The following DIPK2B variants were observed in gnomAD, a reference collection of about 807,000 sequenced individuals.
The protein encoded by DIPK2B is divergent protein kinase domain 2B.
Under a neutral mutation model 22.2 loss-of-function variants are expected in DIPK2B, and 15 were observed. The ratio of observed to expected loss-of-function variants is 0.68; its 90% CI spans 0.45 to 1.04. DIPK2B has a LOEUF of 1.04. Ranked by LOEUF, DIPK2B falls within the 50% of genes least tolerant of loss-of-function variation. The pLI, the probability that DIPK2B is intolerant of heterozygous loss-of-function variation, is 0.00. For missense variants in DIPK2B, 345 were observed against 348.3 expected, an observed-to-expected ratio of 0.99 and a Z score of 0.08; for synonymous variants, 163 against 153.2, an observed-to-expected ratio of 1.06 and a Z score of -0.47.
chrX:45,178,131 T>C lies in DIPK2B; in HGVS notation c.498+13620A>G, dbSNP rs1330110672. Among the ~76,000 whole-genome samples the C allele has an allele frequency of 4.5e-5, 5 of 111,936 alleles. No individual in the cohort carries two copies. The Admixed American group carries it at 4.7e-4, about 11-fold the overall frequency. On this transcript the variant is annotated intron_variant, in intron 2 of 4. Transcript: ENST00000398000. The stretch of plus-strand genomic sequence containing the variant: ...AAGTCAGACTCTCCTCTGGATCCCA[T>C]GCCCAGCTGGGTCCTGGCCAAAGCA...
At chrX:45,198,729 A>C (rs2047252922) in intron 1 of DIPK2B, among the ~76,000 whole-genome samples, 1 of 111,104 alleles carries the variant, frequency 9.0e-6, no homozygotes, top group Admixed American at 9.6e-5. Flanking sequence ...CTGCCTTCTT[A>C]TTGCCTCTCT....
At chrX:45,163,696 T>G (rs1217585689) in intron 2 of DIPK2B, 1 of 753,800 alleles carries the variant, frequency 1.3e-6, no homozygotes, top group Non-Finnish European at 1.6e-6. Context: ...GTATGCTTTT[T>G]TTTCCCTCTA....
chrX:45,164,718 C>T (rs1206910648), intron 2 of DIPK2B, among the ~76,000 whole-genome samples: 1 of 111,175 alleles, frequency 9.0e-6, no homozygotes, highest in Non-Finnish European at 1.9e-5. Flanking sequence ...ACCTATGTAA[C>T]AAAACTGCAC....
intron 2 of DIPK2B, among the ~76,000 whole-genome samples, chrX:45,166,469 G>A (rs1017616471): frequency 7.2e-5 from 8 of 110,994 alleles, no homozygotes; most frequent in African/African-American, 2.3e-4. Context: ...CTCAATTTCC[G>A]CCTCTGTAAG....
intron 3 of DIPK2B, 49 bp from the exon 4 acceptor site, chrX:45,154,247 T>A: frequency 9.7e-7 from 1 of 1,030,837 alleles, no homozygotes; most frequent in East Asian, 3.3e-5. Flanking sequence ...TGGTGACAGC[T>A]CTCTATCTGT....
chrX:45,154,210 G>A lies in DIPK2B; in HGVS notation c.673-12C>T, dbSNP rs1414744331. On this transcript the variant is annotated splice_polypyrimidine_tract_variant and intron_variant, in intron 3 of 4. Transcript: ENST00000398000. ...GCCCCAGGGAAGATCTGCCAAGCCAGAAGGAGGAGGATTAGAGAGAAAAAT... is the reference window on the plus strand; with the variant it reads ...GCCCCAGGGAAGATCTGCCAAGCCAAAAGGAGGAGGATTAGAGAGAAAAAT... 1.5e-5 allele frequency: 18 copies of A among 1,177,333 alleles called. No individual in the cohort carries two copies. Among genetic ancestry groups the A allele is most frequent in the Non-Finnish European group, 1.9e-5 (17 of 880,066 alleles).
At chrX:45,168,914 A>C (rs1252543735) in intron 2 of DIPK2B, among the ~76,000 whole-genome samples, 3 of 111,947 alleles carry the variant, frequency 2.7e-5, no homozygotes, top group African/African-American at 6.5e-5. Flanking sequence ...ATGTCACTGA[A>C]AGTCAAGCTG....
intron 2 of DIPK2B, among the ~76,000 whole-genome samples, chrX:45,169,667 G>A (rs1231781794): frequency 8.9e-6 from 1 of 112,030 alleles, no homozygotes; most frequent in East Asian, 2.8e-4. Context: ...CTTTCTGAAT[G>A]CATGATAAAC....
chrX:45,167,334 A>T (rs2047054062), intron 2 of DIPK2B, among the ~76,000 whole-genome samples: 1 of 109,483 alleles, frequency 9.1e-6, no homozygotes, highest in African/African-American at 3.3e-5. Flanking sequence ...CTACAAAAAA[A>T]TGAAAAATTA....
intron 2 of DIPK2B, among the ~76,000 whole-genome samples, chrX:45,188,593 T>C (rs187604203): frequency 1.8e-5 from 2 of 112,561 alleles, no homozygotes; most frequent in Admixed American, 1.9e-4. Flanking sequence ...TCATATAACA[T>C]AAAATTAACC....
At chrX:45,160,254 C>T (rs777903319) in intron 2 of DIPK2B, among the ~76,000 whole-genome samples, 1 of 109,300 alleles carries the variant, frequency 9.1e-6, no homozygotes, top group East Asian at 2.9e-4. Context: ...GTCCCCCAGG[C>T]TGGAATGTAA....
At chrX:45,171,044 T>C (rs1466872894) in intron 2 of DIPK2B, among the ~76,000 whole-genome samples, 1 of 111,678 alleles carries the variant, frequency 9.0e-6, no homozygotes, top group Admixed American at 9.5e-5. Context: ...CAGGCCATAC[T>C]GTCTTCTGGG....
At position 45,162,486 on chromosome X, in the gene DIPK2B, G is replaced by A. The variant is rs1450466320; in HGVS notation, c.499-4598C>T. ...TCCTCCCCAAGGTCCCACTTACAGA[G>A]TGAGACCTTTGTCTACTTCTGTTTG... On this transcript the variant is annotated intron_variant, in intron 2 of 4. Coordinates refer to ENST00000398000, the MANE Select transcript of DIPK2B (RefSeq NM_176819.4). The A allele has an allele frequency of 1.2e-5, 9 of 752,614 alleles. No homozygotes were observed. In the East Asian group the frequency reaches 1.4e-3, roughly 115 times the overall value. 62.0% of individuals were successfully genotyped at this position (752,614 alleles called of 1,213,427 possible). A position where few individuals can be genotyped will look rare whatever the true frequency, so the allele number is the denominator to read the frequency against.
chrX:45,162,640 T>G (rs939902293), intron 2 of DIPK2B: 23 of 753,029 alleles, frequency 3.1e-5, no homozygotes, highest in Non-Finnish European at 3.4e-5. Flanking sequence ...GATTACCAAT[T>G]GCTTTGGAGT....
At chrX:45,173,902 C>T (rs1474933192) in intron 2 of DIPK2B, among the ~76,000 whole-genome samples, 2 of 111,393 alleles carry the variant, frequency 1.8e-5, no homozygotes, top group Non-Finnish European at 3.8e-5. Context: ...ATCCCAACCC[C>T]TATTTCCCCC....
intron 4 of DIPK2B, 113 bp from the exon 5 acceptor site, chrX:45,152,105 C>A: frequency 1.4e-6 from 1 of 697,496 alleles, no homozygotes; most frequent in Non-Finnish European, 2.1e-6. Flanking sequence ...TGCCTGTAAT[C>A]CCAGCACTTT....
At chrX:45,192,935 C>T (rs898500240) in intron 1 of DIPK2B, among the ~76,000 whole-genome samples, 8 of 112,175 alleles carry the variant, frequency 7.1e-5, no homozygotes, top group African/African-American at 1.3e-4. Context: ...TGCGCCACCA[C>T]GCCCAGCTAA....
chrX:45,152,001 G>T lies in DIPK2B; in HGVS notation c.962-9C>A. Reference sequence around the variant, plus strand: ...GTTGGCTTCTTGGCTGCCTAGAAAAGAAATGGGAAGTATTACACACCCTGC... The same window carrying T: ...GTTGGCTTCTTGGCTGCCTAGAAAATAAATGGGAAGTATTACACACCCTGC... On this transcript the variant is annotated splice_polypyrimidine_tract_variant and intron_variant, in intron 4 of 4. Coordinates refer to ENST00000398000, the MANE Select transcript of DIPK2B (RefSeq NM_176819.4). 8.7e-7 allele frequency: 1 copy of T among 1,152,895 alleles called. No homozygotes were observed. The highest frequency in any genetic ancestry group is 1.2e-6 in the Non-Finnish European group (1 of 862,633).
At chrX:45,192,787 A>T (rs1255635723) in intron 1 of DIPK2B, among the ~76,000 whole-genome samples, 1 of 110,855 alleles carries the variant, frequency 9.0e-6, no homozygotes, top group African/African-American at 3.3e-5. Context: ...TTATTTATTT[A>T]TTTATTTTTG....
Sources: gnomAD v4.1 joint callset for allele counts (sites outside exome capture counted in the v4.1 genomes callset) on GRCh38, gnomAD v4.1.1 for gene constraint, MANE v1.5 for transcripts, NCBI Gene and HGNC (gene_info 2026-07-23, HGNC 2026-07-21) for gene names.